The following DCC variants were observed in gnomAD, a reference collection of about 807,000 sequenced individuals.
The protein encoded by DCC is netrin receptor DCC.
Under a neutral mutation model 172.5 loss-of-function variants are expected in DCC, and 58 were observed. The observed-to-expected ratio is 0.34, with a 90% CI of 0.27 to 0.42. The LOEUF is 0.42. Ranked by LOEUF, DCC falls within the 10% of genes least tolerant of loss-of-function variation. The pLI, the probability that DCC is intolerant of heterozygous loss-of-function variation, is 1.00. For synonymous variants in DCC, 709 were observed against 644.5 expected, an observed-to-expected ratio of 1.10 and a Z score of -1.52; for missense variants, 1,740 against 1,791.0, an observed-to-expected ratio of 0.97 and a Z score of 0.51.
chr18:53,095,787 G>A (rs1253589623), intron 7 of DCC, among the ~76,000 whole-genome samples: 1 of 128,512 alleles, frequency 7.8e-6, no homozygotes, highest in African/African-American at 3.2e-5. Flanking sequence ...TTGGGATATG[G>A]ATATCTTTTT....
intron 2 of DCC, among the ~76,000 whole-genome samples, chr18:52,763,773 C>T (rs772174762): frequency 1.8e-4 from 28 of 152,184 alleles, no homozygotes; most frequent in Non-Finnish European, 3.1e-4. Flanking sequence ...CTCTGGAAAA[C>T]ACTTATCTAC....
At chr18:52,670,793 T>C (rs906562840) in intron 1 of DCC, among the ~76,000 whole-genome samples, 2 of 151,972 alleles carry the variant, frequency 1.3e-5, no homozygotes, top group Non-Finnish European at 2.9e-5. Flanking sequence ...TGAGCCGAGA[T>C]TGCGCCACTG....
intron 2 of DCC, among the ~76,000 whole-genome samples, chr18:52,867,459 A>T (rs2039246037): frequency 6.6e-6 from 1 of 150,974 alleles, no homozygotes; most frequent in Admixed American, 6.6e-5. Context: ...AAATGGTACC[A>T]GCTCCTCTTT....
At chr18:53,053,036 G>A (rs148417622) in intron 5 of DCC, among the ~76,000 whole-genome samples, 216 of 152,102 alleles carry the variant, frequency 1.4e-3, no homozygotes, top group African/African-American at 4.6e-3. Flanking sequence ...CCAGCTACTC[G>A]GAAGGCTGAG....
intron 7 of DCC, among the ~76,000 whole-genome samples, chr18:53,078,530 A>G (rs966405532): frequency 1.3e-5 from 2 of 152,160 alleles, no homozygotes; most frequent in Non-Finnish European, 2.9e-5. Context: ...TATTGTATTG[A>G]AAAGCTCCTT....
At chr18:53,174,742 G>C (rs970421241) in intron 8 of DCC, among the ~76,000 whole-genome samples, 4 of 147,144 alleles carry the variant, frequency 2.7e-5, no homozygotes, top group African/African-American at 1.0e-4. Context: ...AATTCTACCA[G>C]AGGTACAAGG....
intron 12 of DCC, among the ~76,000 whole-genome samples, chr18:53,286,860 T>C (rs2056941385): frequency 6.6e-6 from 1 of 152,198 alleles, no homozygotes; most frequent in African/African-American, 2.4e-5. Flanking sequence ...ATTTAGAATT[T>C]CCTTAAATAA....
chr18:52,906,405 A>G, intron 3 of DCC, 77 bp downstream of exon 3: 1 of 1,423,118 alleles, frequency 7.0e-7, no homozygotes, highest in Non-Finnish European at 9.9e-7. Flanking sequence ...TCTTTAACAG[A>G]TATTTGTAAT....
intron 5 of DCC, among the ~76,000 whole-genome samples, chr18:53,012,612 C>A (rs1300696862): frequency 6.6e-6 from 1 of 151,976 alleles, no homozygotes; most frequent in Non-Finnish European, 1.5e-5. Context: ...TATACACACA[C>A]ATACACATAT....
chr18:52,355,611 A>G (rs929101530), intron 1 of DCC, among the ~76,000 whole-genome samples: 1 of 152,172 alleles, frequency 6.6e-6, no homozygotes, highest in Non-Finnish European at 1.5e-5. Flanking sequence ...TTTAAAGGTA[A>G]TGTTTCATGT....
At chr18:52,545,470 C>T (rs2032585276) in intron 1 of DCC, among the ~76,000 whole-genome samples, 1 of 152,194 alleles carries the variant, frequency 6.6e-6, no homozygotes, top group Admixed American at 6.5e-5. Flanking sequence ...GCCGGTTCAG[C>T]TCTCTCAATG....
At chr18:52,609,312 G>A (rs146606454) in intron 1 of DCC, among the ~76,000 whole-genome samples, 99 of 152,252 alleles carry the variant, frequency 6.5e-4, no homozygotes, top group Non-Finnish European at 1.2e-3. Context: ...AAATTTAGTT[G>A]TGTTGACAAT....
chr18:52,396,281 A>ACCCCCCCCCCCC (rs34363129), intron 1 of DCC, among the ~76,000 whole-genome samples: 186 of 114,260 alleles, frequency 1.6e-3, no homozygotes, highest in African/African-American at 1.8e-3. Flanking sequence ...CCTGCACCAC[A>ACCCCCCCCCCCC]CCCCCCCCCC....
chr18:52,427,952 G>A (rs765059374), intron 1 of DCC, among the ~76,000 whole-genome samples: 1 of 149,200 alleles, frequency 6.7e-6, no homozygotes, highest in African/African-American at 2.5e-5. Flanking sequence ...GGAGCCAAAA[G>A]GCAAGCACTC....
Position 52,705,147 on chromosome 18 carries a change from C to T in DCC, c.92-46907C>T, listed in dbSNP as rs754656934. ...ATACACCATACATAAATGCTTGTCT[C>T]GCTGTTTTCTAAGCACATTTTATAT... On this transcript the variant is annotated intron_variant, in intron 1 of 28. Coordinates refer to ENST00000442544, the MANE Select transcript of DCC (RefSeq NM_005215.4). 7.7e-4 allele frequency among the ~76,000 whole-genome samples: 117 copies of T among 152,278 alleles called. 4 individuals are homozygous for T. Among genetic ancestry groups the T allele is most frequent in the Middle Eastern group, 6.8e-3 (2 of 292 alleles).
At chr18:53,396,613 C>A (rs760848468) in intron 17 of DCC, among the ~76,000 whole-genome samples, 9 of 152,110 alleles carry the variant, frequency 5.9e-5, no homozygotes, top group Non-Finnish European at 1.2e-4. Context: ...AGAATGAAAA[C>A]CATGTGACTC....
chr18:53,328,970 G>A (rs1332922371), intron 14 of DCC, among the ~76,000 whole-genome samples: 1 of 152,098 alleles, frequency 6.6e-6, no homozygotes, highest in African/African-American at 2.4e-5. Context: ...TCTACATTTA[G>A]GGAACAGATG....
intron 1 of DCC, among the ~76,000 whole-genome samples, chr18:52,631,032 G>A (rs906718510): frequency 2.0e-5 from 3 of 152,106 alleles, no homozygotes; most frequent in Admixed American, 6.5e-5. Flanking sequence ...CTTTTCTCCT[G>A]GCACCTCTAG....
At chr18:52,601,982 T>G (rs2034027245) in intron 1 of DCC, among the ~76,000 whole-genome samples, 1 of 152,082 alleles carries the variant, frequency 6.6e-6, no homozygotes, top group Non-Finnish European at 1.5e-5. Context: ...CTTCTGTGAA[T>G]TTCCCTGACT....
Sources: gnomAD v4.1 joint callset for allele counts (sites outside exome capture counted in the v4.1 genomes callset) on GRCh38, gnomAD v4.1.1 for gene constraint, MANE v1.5 for transcripts, NCBI Gene and HGNC (gene_info 2026-07-23, HGNC 2026-07-21) for gene names.